STK39: variants seen among roughly 807,000 people sequenced by gnomAD.
STK39 encodes serine/threonine kinase 39.
A neutral mutation model predicts 77.8 loss-of-function variants in STK39; 20 were observed. The ratio of observed to expected loss-of-function variants is 0.26; its 90% confidence interval spans 0.18 to 0.37. The LOEUF (loss-of-function observed/expected upper bound fraction) is 0.37. STK39 is among the 10% of genes least tolerant of loss of function. STK39 has a pLI of 1.00. For missense variants in STK39, 479 were observed against 656.5 expected, an observed-to-expected ratio of 0.73 and a Z score of 2.95; for synonymous variants, 246 against 234.1, an observed-to-expected ratio of 1.05 and a Z score of -0.47.
intron 10 of STK39, among the ~76,000 whole-genome samples, chr2:168,104,667 T>C (rs1016788569): frequency 2.0e-5 from 3 of 152,194 alleles, no homozygotes; most frequent in Admixed American, 6.5e-5. Context: ...TAGGGCTTCA[T>C]TGTAGCTGAA....
At chr2:168,237,839 C>A (rs115380184) in intron 1 of STK39, among the ~76,000 whole-genome samples, 2,575 of 152,204 alleles carry the variant, frequency 0.017, 86 homozygotes, top group African/African-American at 0.059. Context: ...TAGGAACTCA[C>A]TTATAAAAAC....
chr2:167,957,940 G>A (rs1691832414), intron 17 of STK39, among the ~76,000 whole-genome samples: 1 of 152,192 alleles, frequency 6.6e-6, no homozygotes, highest in African/African-American at 2.4e-5. Context: ...TAGCTACACT[G>A]AAATGTCTGT....
At chr2:168,046,457 C>T (rs1489599868) in intron 14 of STK39, among the ~76,000 whole-genome samples, 2 of 152,198 alleles carry the variant, frequency 1.3e-5, no homozygotes, top group African/African-American at 2.4e-5. Flanking sequence ...TCAGCATCCA[C>T]GCACACCTAC....
intron 1 of STK39, among the ~76,000 whole-genome samples, chr2:168,220,290 C>G (rs968027000): frequency 6.6e-6 from 1 of 152,070 alleles, no homozygotes; most frequent in Non-Finnish European, 1.5e-5. Flanking sequence ...TGAGAAGCAA[C>G]ACACATGTAC....
intron 1 of STK39, among the ~76,000 whole-genome samples, chr2:168,205,482 C>T (rs1255474039): frequency 5.3e-5 from 8 of 151,932 alleles, no homozygotes; most frequent in Non-Finnish European, 1.5e-5. Flanking sequence ...ATTTCTGAAG[C>T]CAAATCTAAA....
At chr2:168,100,616 C>A (rs1378850046) in intron 10 of STK39, among the ~76,000 whole-genome samples, 1 of 152,114 alleles carries the variant, frequency 6.6e-6, no homozygotes, top group Non-Finnish European at 1.5e-5. Context: ...AAGAAACTAG[C>A]ATCAGAGTGA....
intron 14 of STK39, among the ~76,000 whole-genome samples, chr2:168,021,647 C>T (rs1684574575): frequency 6.6e-6 from 1 of 152,098 alleles, no homozygotes; most frequent in South Asian, 2.1e-4. Context: ...GTAACAGTTT[C>T]AACACTCGGC....
At chr2:168,132,929 G>A (rs931089852) in intron 8 of STK39, among the ~76,000 whole-genome samples, 6 of 152,188 alleles carry the variant, frequency 3.9e-5, no homozygotes, top group Non-Finnish European at 7.3e-5. Context: ...TTTGGACACA[G>A]CACTACAACT....
chr2:168,222,136 T>C (rs1690188892), intron 1 of STK39, among the ~76,000 whole-genome samples: 1 of 152,178 alleles, frequency 6.6e-6, no homozygotes, highest in Non-Finnish European at 1.5e-5. Context: ...CCAGTCTGGT[T>C]TCAATGGTGG....
chr2:168,039,728 G>A (rs1462314785), intron 14 of STK39, among the ~76,000 whole-genome samples: 2 of 152,078 alleles, frequency 1.3e-5, no homozygotes, highest in Non-Finnish European at 2.9e-5. Flanking sequence ...CTTGATGACT[G>A]TGATAGCTTC....
At chr2:168,157,593 C>T (rs6708854) in intron 5 of STK39, among the ~76,000 whole-genome samples, 66,140 of 151,928 alleles carry the variant, frequency 0.44, 16,575 homozygotes, top group East Asian at 0.75. Context: ...GCCTTCTGTT[C>T]GTGTCCTCAC....
At chr2:167,981,341 A>C (rs1683412220) in intron 16 of STK39, among the ~76,000 whole-genome samples, 1 of 152,240 alleles carries the variant, frequency 6.6e-6, no homozygotes, top group Non-Finnish European at 1.5e-5. Context: ...CAGGGATCAC[A>C]CTGTAAGTGG....
chr2:168,091,272 T>C (rs1291506770), intron 10 of STK39, among the ~76,000 whole-genome samples: 2 of 152,070 alleles, frequency 1.3e-5, no homozygotes, highest in African/African-American at 2.4e-5. Context: ...GAAGAGCCAA[T>C]GACTGCATCA....
intron 10 of STK39, among the ~76,000 whole-genome samples, chr2:168,125,524 T>C (rs1319402283): frequency 6.6e-6 from 1 of 152,166 alleles, no homozygotes; most frequent in African/African-American, 2.4e-5. Flanking sequence ...TTAGAATATA[T>C]AGAGTGTCTT....
chr2:168,042,871 C>A (rs1685144123), intron 14 of STK39, among the ~76,000 whole-genome samples: 2 of 152,178 alleles, frequency 1.3e-5, no homozygotes, highest in South Asian at 4.1e-4. Context: ...AGCCACTGCA[C>A]CCAGCCACCT....
At chr2:168,217,561 C>A (rs763711685) in intron 1 of STK39, among the ~76,000 whole-genome samples, 35 of 152,112 alleles carry the variant, frequency 2.3e-4, no homozygotes, top group Admixed American at 7.2e-4. Flanking sequence ...CCTCAGTATT[C>A]GTGGGGGATT....
At chr2:168,159,426 T>A (rs1191803203) in intron 5 of STK39, among the ~76,000 whole-genome samples, 3 of 152,186 alleles carry the variant, frequency 2.0e-5, no homozygotes, top group African/African-American at 7.2e-5. Flanking sequence ...CAGAGACTCC[T>A]GGTCCTCATT....
chr2:168,056,223 G>A (rs1036753093), intron 14 of STK39, among the ~76,000 whole-genome samples: 1 of 151,868 alleles, frequency 6.6e-6, no homozygotes, highest in Non-Finnish European at 1.5e-5. Context: ...AATAAATAGT[G>A]GAGAAATACA....
intron 2 of STK39, among the ~76,000 whole-genome samples, chr2:168,177,699 T>A (rs1449189828): frequency 6.6e-6 from 1 of 152,148 alleles, no homozygotes; most frequent in Non-Finnish European, 1.5e-5. Context: ...CAGGGTAGCA[T>A]CCCTAGCCTT....
Sources: gnomAD v4.1 joint callset for allele counts (sites outside exome capture counted in the v4.1 genomes callset) on GRCh38, gnomAD v4.1.1 for gene constraint, MANE v1.5 for transcripts, NCBI Gene and HGNC (gene_info 2026-07-23, HGNC 2026-07-21) for gene names.